SHISA6: variants seen among roughly 807,000 people sequenced by gnomAD.
SHISA6 encodes the protein shisa family member 6, also known as protein shisa-6.
Under a neutral mutation model 47.9 loss-of-function variants are expected in SHISA6, and 22 were observed. The observed-to-expected ratio is 0.46, with a 90% CI of 0.33 to 0.66. The LOEUF (loss-of-function observed/expected upper bound fraction) is 0.66. Ranked by LOEUF, SHISA6 falls within the 30% of genes least tolerant of loss-of-function variation. The pLI is 0.02. For synonymous variants in SHISA6, 388 were observed against 337.8 expected (o/e 1.15, Z -1.63); for missense variants, 680 against 764.6 (o/e 0.89, Z 1.30).
At chr17:11,355,293 C>A (rs1184072993) in intron 2 of SHISA6, among the ~76,000 whole-genome samples, 2 of 152,234 alleles carry the variant, frequency 1.3e-5, no homozygotes, top group African/African-American at 4.8e-5. Context: ...ATTCCGAAAA[C>A]TGTCCCCTCG....
At chr17:11,505,168 G>A (rs75422703) in intron 3 of SHISA6, among the ~76,000 whole-genome samples, 7,438 of 152,264 alleles carry the variant, frequency 0.049, 250 homozygotes, top group Non-Finnish European at 0.079. Context: ...AAAGTCCAGC[G>A]ATCGCTGTCT....
rs1017388600 is a variant in SHISA6, at chr17:11,558,265, C to T, written c.1617C>T (p.His539=). ...VEQLHYIPGH[H]TCYTASKTEV... ...AGCTGCACTACATCCCGGGCCACCACACCTGCTACACAGCCAGCAAGACCG... is the reference window on the plus strand; with the variant it reads ...AGCTGCACTACATCCCGGGCCACCATACCTGCTACACAGCCAGCAAGACCG... Residue 539 remains histidine (H), a synonymous_variant, in exon 6 of 6, where the codon CAC becomes CAT. Transcript: ENST00000441885. 2 of 1,539,562 alleles carry T rather than the reference C, an allele frequency of 1.3e-6. No individual in the cohort carries two copies. Among genetic ancestry groups the T allele is most frequent in the Non-Finnish European group, 1.7e-6 (2 of 1,146,948 alleles).
chr17:11,357,858 G>GTA (rs1912126942), intron 2 of SHISA6, among the ~76,000 whole-genome samples: 1 of 152,158 alleles, frequency 6.6e-6, no homozygotes, highest in Non-Finnish European at 1.5e-5. Context: ...AAGACTCTTA[G>GTA]TATATATCAC....
chr17:11,545,935 C>T (rs1349140626), intron 3 of SHISA6, among the ~76,000 whole-genome samples: 1 of 152,134 alleles, frequency 6.6e-6, no homozygotes, highest in Non-Finnish European at 1.5e-5. Context: ...CACCCAGCCT[C>T]GGAAGTCGTG....
chr17:11,332,943 G>A (rs573032003), intron 2 of SHISA6, among the ~76,000 whole-genome samples: 31 of 152,248 alleles, frequency 2.0e-4, no homozygotes, highest in African/African-American at 6.3e-4. Context: ...CTGCCAGTGC[G>A]GCATCTAGAG....
chr17:11,537,391 A>AT (rs1222691531), intron 3 of SHISA6, among the ~76,000 whole-genome samples: 3 of 152,134 alleles, frequency 2.0e-5, no homozygotes, highest in Admixed American at 2.0e-4. Flanking sequence ...ACCAAGAGTC[A>AT]AAGGCCTGCC....
At chr17:11,449,007 T>C (rs1915310990) in intron 3 of SHISA6, among the ~76,000 whole-genome samples, 1 of 152,206 alleles carries the variant, frequency 6.6e-6, no homozygotes, top group African/African-American at 2.4e-5. Context: ...CCCACTTTTA[T>C]ATTTGTTCTG....
At chr17:11,432,488 C>A (rs1253262550) in intron 3 of SHISA6, among the ~76,000 whole-genome samples, 1 of 152,128 alleles carries the variant, frequency 6.6e-6, no homozygotes, top group East Asian at 1.9e-4. Flanking sequence ...AATATATGTT[C>A]TATATGGGCA....
At position 11,559,653 on chromosome 17, in the gene SHISA6, A is replaced by T. The variant is rs990956353; in HGVS notation, c.*1349A>T. 2 of 152,438 alleles carry T rather than the reference A, an allele frequency of 1.3e-5. No individual in the cohort carries two copies. Among genetic ancestry groups the T allele is most frequent in the African/African-American group, 4.8e-5 (2 of 41,454 alleles). 9.4% of individuals were successfully genotyped at this position (152,438 alleles called of 1,614,324 possible). A position where few individuals can be genotyped will look rare whatever the true frequency, so the allele number is the denominator to read the frequency against. The stretch of plus-strand genomic sequence containing the variant: ...AAAGCAAACAAAGGTCCTCCAGGCG[A>T]CTGGCCTAGGGGCTAACTGGGCAGG... On this transcript the variant is annotated 3_prime_UTR_variant, in exon 6 of 6. Coordinates refer to ENST00000441885, the MANE Select transcript of SHISA6 (RefSeq NM_207386.4). The surrounding 1 kb of genome is among the most constrained non-coding windows in gnomAD (Gnocchi z 4.4).
At chr17:11,306,314 A>G (rs1173656557) in intron 2 of SHISA6, among the ~76,000 whole-genome samples, 1 of 152,024 alleles carries the variant, frequency 6.6e-6, no homozygotes, top group Admixed American at 6.6e-5. Context: ...ACCTCCCCAT[A>G]CAGGATGCAA....
At chr17:11,468,222 C>CT (rs62677961) in intron 3 of SHISA6, among the ~76,000 whole-genome samples, 13,722 of 151,568 alleles carry the variant, frequency 0.091, 905 homozygotes, top group African/African-American at 0.18. Context: ...ATTTTCCTTG[C>CT]TTTTTTGCAA....
Position 11,528,451 on chromosome 17 carries a change from G to A in SHISA6, c.896-23445G>A, listed in dbSNP as rs188526448. On this transcript the variant is annotated intron_variant, in intron 3 of 5. Transcript: ENST00000441885. ...GCATGAGGCTAAAACGTATATACAC[G>A]CATGTATAAAAATACAGATGGACAG... 4.4e-4 allele frequency among the ~76,000 whole-genome samples: 67 copies of A among 152,220 alleles called. No individual in the cohort carries two copies. In the East Asian group the frequency reaches 9.8e-3, roughly 22 times the overall value.
At chr17:11,459,398 G>T (rs1915643678) in intron 3 of SHISA6, among the ~76,000 whole-genome samples, 1 of 152,086 alleles carries the variant, frequency 6.6e-6, no homozygotes, top group East Asian at 1.9e-4. Context: ...TGGATAATAA[G>T]GAGTTATTCA....
chr17:11,241,533 A>G lies in SHISA6; in HGVS notation c.111A>G (p.Ala37=). Residue 37 remains alanine (A), a synonymous_variant, in exon 1 of 6, where the codon GCA becomes GCG. Transcript: ENST00000441885. This position sits in a 1 kb window ranked among gnomAD's most constrained non-coding sequence, Gnocchi z 5.5. ...GCGCCGCCAACCGGACCCTGAGTGC[A>G]GGCGGCGCTGCCGTCGGGGGCCGGA... ...RGRAANRTLS[A]GGAAVGGRRA... 2 of 1,101,376 alleles carry G rather than the reference A, an allele frequency of 1.8e-6. No individual in the cohort carries two copies. The highest frequency in any genetic ancestry group is 2.2e-6 in the Non-Finnish European group (2 of 906,062). 68.2% of individuals were successfully genotyped at this position (1,101,376 alleles called of 1,614,324 possible). A position where few individuals can be genotyped will look rare whatever the true frequency, so the allele number is the denominator to read the frequency against.
At chr17:11,422,697 A>T (rs887274740) in intron 3 of SHISA6, among the ~76,000 whole-genome samples, 4 of 152,020 alleles carry the variant, frequency 2.6e-5, no homozygotes, top group African/African-American at 9.7e-5. Flanking sequence ...CATGAGGCAA[A>T]AGTTGCAGTG....
At chr17:11,263,002 G>A (rs571776259) in intron 1 of SHISA6, among the ~76,000 whole-genome samples, 1 of 152,264 alleles carries the variant, frequency 6.6e-6, no homozygotes, top group African/African-American at 2.4e-5. Context: ...ATTTGAGGCC[G>A]ATGGTTTCAG....
chr17:11,539,729 A>G (rs72809063), intron 3 of SHISA6, among the ~76,000 whole-genome samples: 1 of 152,212 alleles, frequency 6.6e-6, no homozygotes, highest in Non-Finnish European at 1.5e-5. Flanking sequence ...TCAAACGGAG[A>G]TTGTTTTGTC....
chr17:11,385,317 A>G (rs1473066788), intron 3 of SHISA6, among the ~76,000 whole-genome samples: 2 of 152,064 alleles, frequency 1.3e-5, no homozygotes, highest in Non-Finnish European at 2.9e-5. Context: ...GGGCGCAGCA[A>G]TGAGGCTGGA....
intron 2 of SHISA6, among the ~76,000 whole-genome samples, chr17:11,353,808 A>G (rs1298212304): frequency 6.6e-6 from 1 of 152,188 alleles, no homozygotes; most frequent in Non-Finnish European, 1.5e-5. Flanking sequence ...GCCTCCTGGG[A>G]CTAAATGCTG....
Sources: gnomAD v4.1 joint callset for allele counts (sites outside exome capture counted in the v4.1 genomes callset) on GRCh38, gnomAD v4.1.1 for gene constraint, Gnocchi (gnomAD v3.1) non-coding constraint, MANE v1.5 for transcripts, NCBI Gene and HGNC (gene_info 2026-07-23, HGNC 2026-07-21) for gene names.